Variants in PAG1 observed in about 807,000 individuals in gnomAD.
PAG1 encodes the protein phosphoprotein associated with glycosphingolipid-enriched microdomains 1.
In PAG1, 23 loss-of-function variants were observed where a neutral mutation model predicts 31.7. That is an observed-to-expected ratio of 0.73 (90% CI 0.52 to 1.03). PAG1 has a LOEUF of 1.03. Ranked by LOEUF, PAG1 falls within the 50% of genes least tolerant of loss-of-function variation. The pLI is 0.00. For missense variants in PAG1, 473 were observed against 540.7 expected (o/e 0.87, Z 1.24); for synonymous variants, 214 against 210.3 (o/e 1.02, Z -0.15).
chr8:81,087,232 A>G (rs1405061954), intron 1 of PAG1, among the ~76,000 whole-genome samples: 1 of 151,132 alleles, frequency 6.6e-6, no homozygotes, highest in Non-Finnish European at 1.5e-5. Context: ...AATCCCAGCT[A>G]TTCTGGAGGC....
intron 2 of PAG1, among the ~76,000 whole-genome samples, chr8:81,065,099 C>T (rs940258602): frequency 4.6e-5 from 7 of 152,142 alleles, no homozygotes; most frequent in African/African-American, 9.7e-5. Context: ...TGGGGGGAGG[C>T]GCTCAAGGCC....
At chr8:81,027,904 CAAAAAAA>C (rs35780204) in intron 3 of PAG1, among the ~76,000 whole-genome samples, 1 of 52,832 alleles carries the variant, frequency 1.9e-5, no homozygotes, top group Non-Finnish European at 4.2e-5. Context: ...GACTCCGTCT[CAAAAAAA>C]AAAAAAAAAA....
intron 2 of PAG1, among the ~76,000 whole-genome samples, chr8:81,041,516 T>C (rs1808554717): frequency 6.6e-6 from 1 of 152,212 alleles, no homozygotes; most frequent in Admixed American, 6.5e-5. Flanking sequence ...TTCCACTTTA[T>C]ATCCCTATTC....
chr8:81,081,338 T>TA (rs1200677268), intron 1 of PAG1, among the ~76,000 whole-genome samples: 6 of 152,278 alleles, frequency 3.9e-5, no homozygotes, highest in Admixed American at 1.3e-4. Context: ...AAGAAATTTT[T>TA]AAAAGTTATT....
intron 1 of PAG1, among the ~76,000 whole-genome samples, chr8:81,084,718 T>C (rs1382837483): frequency 1.3e-5 from 2 of 152,176 alleles, no homozygotes; most frequent in Admixed American, 1.3e-4. Flanking sequence ...ATCTCAAAAA[T>C]TTTCTTCCCA....
chr8:81,069,913 G>A (rs1406592367), intron 2 of PAG1, among the ~76,000 whole-genome samples, 199 bp downstream of exon 2: 2 of 152,196 alleles, frequency 1.3e-5, no homozygotes, highest in Non-Finnish European at 2.9e-5. Context: ...GGTTTCTATC[G>A]CAGAAGACCT....
chr8:81,054,698 A>G (rs1808786769), intron 2 of PAG1, among the ~76,000 whole-genome samples: 2 of 152,238 alleles, frequency 1.3e-5, no homozygotes, highest in Admixed American at 6.5e-5. Flanking sequence ...AAAAGAGTAT[A>G]TTAATATTCC....
chr8:81,057,246 T>C (rs1808839352), intron 2 of PAG1, among the ~76,000 whole-genome samples: 1 of 152,158 alleles, frequency 6.6e-6, no homozygotes, highest in Non-Finnish European at 1.5e-5. Flanking sequence ...CTATAAATCA[T>C]GCTGTTATAA....
chr8:81,027,021 T>A (rs1808293284), intron 3 of PAG1, among the ~76,000 whole-genome samples: 1 of 152,176 alleles, frequency 6.6e-6, no homozygotes, highest in Admixed American at 6.5e-5. Context: ...TTCTATACTT[T>A]TTTTTTTGAG....
At chr8:81,009,069 A>G (rs1261471686) in intron 3 of PAG1, among the ~76,000 whole-genome samples, 3 of 152,186 alleles carry the variant, frequency 2.0e-5, no homozygotes, top group Non-Finnish European at 4.4e-5. Context: ...ACATACAAAA[A>G]TCATATTTCC....
Position 80,971,382 on chromosome 8 carries a change from A to C in PAG1, c.*5162T>G, listed in dbSNP as rs1390390087. ...AACAATGAAATGCCAATTCCTATTT[A>C]TAACAGACCTTTTTTGTTTAGATAT... On this transcript the variant is annotated 3_prime_UTR_variant, in exon 9 of 9. Coordinates refer to ENST00000220597, the MANE Select transcript of PAG1 (RefSeq NM_018440.4). The C allele has an allele frequency of 2.6e-5, 4 of 152,238 alleles. No individual in the cohort carries two copies. Among genetic ancestry groups the C allele is most frequent in the Non-Finnish European group, 5.9e-5 (4 of 68,036 alleles). 9.4% of individuals were successfully genotyped at this position (152,238 alleles called of 1,614,324 possible).
Position 80,985,196 on chromosome 8 carries a change from G to A in PAG1, c.456C>T (p.Asp152=), listed in dbSNP as rs955989173. Residue 152 remains aspartate, a synonymous_variant, in exon 7 of 9, where the codon GAC becomes GAT. Coordinates refer to ENST00000220597, the MANE Select transcript of PAG1 (RefSeq NM_018440.4). ...VDTMLTARSV[D]GDQGLGMEGP... ...CTTCCATCCCCAGCCCCTGGTCCCC[G>A]TCCACACTTCTCGCCGTGAGCATGG... 7.4e-6 allele frequency: 12 copies of A among 1,613,796 alleles called. No homozygotes were observed. The highest frequency in any genetic ancestry group is 5.3e-5 in the African/African-American group (4 of 74,816).
intron 5 of PAG1, among the ~76,000 whole-genome samples, chr8:80,989,578 T>TGG (rs1807496574): frequency 6.6e-6 from 1 of 152,068 alleles, no homozygotes; most frequent in Non-Finnish European, 1.5e-5. Flanking sequence ...AATGAGGCTA[T>TGG]GGGTTGGGGC....
chr8:80,983,651 G>A (rs568801283), intron 7 of PAG1, among the ~76,000 whole-genome samples: 13 of 152,198 alleles, frequency 8.5e-5, no homozygotes, highest in African/African-American at 2.2e-4. Context: ...AGTTTTTAAC[G>A]TGAAATCTGG....
chr8:81,074,718 T>C (rs5003154), intron 1 of PAG1, among the ~76,000 whole-genome samples: 95,274 of 151,918 alleles, frequency 0.63, 30,962 homozygotes, highest in East Asian at 0.86. Context: ...ACACTAAATT[T>C]GGGGAAAAAC....
intron 2 of PAG1, chr8:81,067,347 C>T (rs900887504): frequency 1.3e-5 from 2 of 152,150 alleles, no homozygotes; most frequent in African/African-American, 4.8e-5. Flanking sequence ...AGAAAACACA[C>T]ACACACAATA....
chr8:80,997,275 A>G (rs964587212), intron 3 of PAG1, among the ~76,000 whole-genome samples: 1 of 152,086 alleles, frequency 6.6e-6, no homozygotes, highest in African/African-American at 2.4e-5. Context: ...ATTACATAGA[A>G]TATTATTTCT....
chr8:81,069,807 A>T (rs1403356649), intron 2 of PAG1, among the ~76,000 whole-genome samples: 1 of 152,246 alleles, frequency 6.6e-6, no homozygotes, highest in Non-Finnish European at 1.5e-5. Flanking sequence ...CATTTAGCCC[A>T]ACTTCACAGA....
At chr8:81,008,513 GTATAATACTACATATAATATA>G (rs1807926069) in intron 3 of PAG1, among the ~76,000 whole-genome samples, 1 of 148,658 alleles carries the variant, frequency 6.7e-6, no homozygotes, top group African/African-American at 2.5e-5. Context: ...CTCTCCCAAA[GTATAATACTACATATAATATA>G]TATAATACTA....
Sources: allele counts gnomAD v4.1 joint callset (sites outside exome capture counted in the v4.1 genomes callset), GRCh38; gene constraint gnomAD v4.1.1; transcripts MANE v1.5; gene names NCBI Gene and HGNC (gene_info 2026-07-23, HGNC 2026-07-21).